AHNAK: variants seen among roughly 807,000 people sequenced by gnomAD.
AHNAK encodes neuroblast differentiation-associated protein AHNAK.
Under a neutral mutation model 37.8 loss-of-function variants are expected in AHNAK, and 23 were observed. The ratio of observed to expected loss-of-function variants is 0.61; its 90% CI spans 0.44 to 0.86. The LOEUF is 0.86. Ranked by LOEUF, AHNAK falls within the 40% of genes least tolerant of loss-of-function variation. The pLI is 0.00. For missense variants in AHNAK, 7,411 were observed against 7,319.4 expected (o/e 1.01, Z -0.46); for synonymous variants, 2,481 against 2,636.3 (o/e 0.94, Z 1.80).
chr11:62,440,849 C>T lies in AHNAK; in HGVS notation c.443-6958G>A, dbSNP rs140506711. Among the ~76,000 whole-genome samples the T allele has an allele frequency of 7.7e-4, 117 of 152,274 alleles. 2 individuals carry two copies. Among genetic ancestry groups the T allele is most frequent in the African/African-American group, 2.7e-3 (113 of 41,550 alleles). On this transcript the variant is annotated intron_variant, in intron 5 of 5. Coordinates refer to the AHNAK transcript ENST00000257247. ...TGCTAAGTGCTTACTATGTGCCAGA[C>T]ACTATTTCTAAACACTTTATAAATA...
intron 5 of AHNAK, among the ~76,000 whole-genome samples, chr11:62,455,388 T>C (rs1005923302): frequency 8.6e-5 from 13 of 152,020 alleles, no homozygotes; most frequent in African/African-American, 3.1e-4. Flanking sequence ...TTGCCTTTCA[T>C]TTTATTCCTC....
Position 62,527,179 on chromosome 11 carries a change from C to T in AHNAK, c.7238G>A (p.Gly2413Glu). The T allele has an allele frequency of 1.9e-6, 3 of 1,610,896 alleles. No homozygotes were observed. The highest frequency in any genetic ancestry group is 2.5e-6 in the Non-Finnish European group (3 of 1,178,712). ...ATCCACATGTGGCCCTTTAAGGTCC[C>T]CTTCCAATTTGGGAACATCTACATC... ...EVDVDVPKLE[G>E]DLKGPHVDVS... Residue 2413 changes from glycine (G) to glutamate (E), a missense_variant, in exon 5 of 5, where the codon GGG (glycine) becomes GAG (glutamate). Physicochemically the swap from Gly to Glu is moderately conservative, Grantham distance 98 (BLOSUM62 -2). Coordinates refer to ENST00000378024, the MANE Select transcript of AHNAK (RefSeq NM_001620.3).
rs1259327297 is a variant in AHNAK, at chr11:62,520,300, C to T, written c.14117G>A (p.Gly4706Asp). The change falls in exon 5 of 5, where the codon GGC (glycine) becomes GAC (aspartate). Residue 4706 changes from glycine (G) to aspartate (D), a missense_variant. By Grantham distance (94) the Gly-to-Asp change is moderately conservative. Transcript: ENST00000378024. Reference sequence around the variant, plus strand: ...CATCTCAGGCATCTTGAACTTGGGGCCCTTTAGTTTCGCATCTGGACCTTC... The same window carrying T: ...CATCTCAGGCATCTTGAACTTGGGGTCCTTTAGTTTCGCATCTGGACCTTC... ...NIEGPDAKLK[G>D]PKFKMPEMSI... is the part of the protein sequence containing the mutation. The T allele has an allele frequency of 6.2e-7, 1 of 1,613,100 alleles. No homozygotes were observed. The highest frequency in any genetic ancestry group is 1.3e-5 in the African/African-American group (1 of 74,550).
At position 62,506,714 on chromosome 11, in the gene AHNAK, T is replaced by C. The variant is rs114590905; in HGVS notation, c.343-14883A>G. ...GTCTGGGACCAGTGGGTGGGGCTCG[T>C]TACAATTCAGATGATTTGATCATAG... is the stretch of plus-strand genomic sequence containing the variant. On this transcript the variant is annotated intron_variant, in intron 4 of 5. Coordinates refer to the AHNAK transcript ENST00000257247. Among the ~76,000 whole-genome samples, 919 of 152,256 alleles carry C rather than the reference T, an allele frequency of 6.0e-3. 9 individuals carry two copies. The highest frequency in any genetic ancestry group is 0.021 in the African/African-American group (871 of 41,542).
At chr11:62,543,809 A>G (rs1346309732) in intron 1 of AHNAK, among the ~76,000 whole-genome samples, 2 of 152,180 alleles carry the variant, frequency 1.3e-5, no homozygotes, top group Non-Finnish European at 2.9e-5. Flanking sequence ...CAAGCAGCAC[A>G]TTCTAAATCC....
intron 5 of AHNAK, among the ~76,000 whole-genome samples, chr11:62,451,538 G>A (rs1350894109): frequency 6.6e-6 from 1 of 152,008 alleles, no homozygotes; most frequent in Non-Finnish European, 1.5e-5. Flanking sequence ...AGGAGTTCAA[G>A]ACCAGCCTGG....
At chr11:62,435,762 G>A (rs1056471224) in intron 5 of AHNAK, among the ~76,000 whole-genome samples, 3 of 152,028 alleles carry the variant, frequency 2.0e-5, no homozygotes, top group African/African-American at 7.2e-5. Flanking sequence ...TGCTCAGGCT[G>A]GCCTTGAACT....
chr11:62,459,100 T>C (rs1938729849), intron 5 of AHNAK, among the ~76,000 whole-genome samples: 2 of 152,110 alleles, frequency 1.3e-5, no homozygotes, highest in South Asian at 4.2e-4. Flanking sequence ...CTCTCCAAAC[T>C]CCCCACACAA....
Position 62,460,987 on chromosome 11 carries a change from A to ATTT in AHNAK, c.443-27099_443-27097dup, listed in dbSNP as rs58443970. ...AGGCGCCTGCCACCAGGCCTGGCTAATTTTTTTTTTTTTTTTTTTTTTGTA... is the reference window on the plus strand; with the variant it reads ...AGGCGCCTGCCACCAGGCCTGGCTAATTTTTTTTTTTTTTTTTTTTTTTTTGTA... On this transcript the variant is annotated intron_variant, in intron 5 of 5. Coordinates refer to the AHNAK transcript ENST00000257247. Among the ~76,000 whole-genome samples the ATTT allele has an allele frequency of 5.1e-3, 526 of 103,602 alleles. 10 individuals are homozygous for ATTT. The highest frequency in any genetic ancestry group is 0.013 in the African/African-American group (333 of 26,092). 68.0% of individuals were successfully genotyped at this position (103,602 alleles called of 152,430 possible). A position where few individuals can be genotyped will look rare whatever the true frequency, so the allele number is the denominator to read the frequency against.
At chr11:62,453,393 G>C (rs1189161353) in intron 5 of AHNAK, among the ~76,000 whole-genome samples, 1 of 152,142 alleles carries the variant, frequency 6.6e-6, no homozygotes, top group African/African-American at 2.4e-5. Flanking sequence ...GAAGTCAAAT[G>C]AGTGGTAACA....
In AHNAK at chr11:62,506,246, TA is replaced by T. The variant is rs151312445; in HGVS notation, c.343-14416del. Among the ~76,000 whole-genome samples the T allele has an allele frequency of 5.6e-3, 817 of 146,014 alleles. 4 individuals are homozygous for T. The highest frequency in any genetic ancestry group is 8.4e-3 in the African/African-American group (336 of 39,888). ...TAATAATAAGTAAATAAATAAATAT[TA>T]AAAAAAAAAGAGCCAGTGGTCTGAG... is the stretch of plus-strand genomic sequence containing the variant. On this transcript the variant is annotated intron_variant, in intron 4 of 5. Coordinates refer to the AHNAK transcript ENST00000257247.
In AHNAK at chr11:62,528,457, G is replaced by T. The variant is rs1254766082; in HGVS notation, c.5960C>A (p.Pro1987His). 1.2e-6 allele frequency: 2 copies of T among 1,613,486 alleles called. No homozygotes were observed. The highest frequency in any genetic ancestry group is 4.5e-5 in the East Asian group (2 of 44,824). ...GTCCACATCAGGCATGGAGATCTTG[G>T]GGGTCTTGAAGTGCATCTCAGGCAT... The part of the protein sequence containing the change: ...FKMPEMHFKT[P>H]KISMPDVDLH... Residue 1987 changes from proline (P) to histidine (H), a missense_variant, in exon 5 of 5, where the codon CCC becomes CAC. Physicochemically the swap from Pro to His is moderately conservative, Grantham distance 77. Transcript: ENST00000378024.
At chr11:62,480,957 A>G (rs901560717) in intron 5 of AHNAK, among the ~76,000 whole-genome samples, 16 of 152,164 alleles carry the variant, frequency 1.1e-4, no homozygotes, top group African/African-American at 3.9e-4. Context: ...CCTTCCCCCA[A>G]AAGCCCAGAG....
At chr11:62,442,322 C>T (rs1938323284) in intron 5 of AHNAK, among the ~76,000 whole-genome samples, 2 of 152,090 alleles carry the variant, frequency 1.3e-5, no homozygotes, top group Admixed American at 6.5e-5. Flanking sequence ...CTGAAGCGGG[C>T]AGATTGCTTG....
intron 4 of AHNAK, among the ~76,000 whole-genome samples, chr11:62,493,826 T>C (rs1029520838): frequency 2.0e-5 from 3 of 152,042 alleles, no homozygotes; most frequent in Non-Finnish European, 4.4e-5. Context: ...ATCTTCCCTG[T>C]TCCGAGCTTT....
chr11:62,543,239 G>A (rs1439730733), intron 1 of AHNAK, among the ~76,000 whole-genome samples: 1 of 152,172 alleles, frequency 6.6e-6, no homozygotes, highest in Admixed American at 6.5e-5. Context: ...GTCCAGGACC[G>A]AGAAACTCAC....
In AHNAK at chr11:62,485,023, A is replaced by G. The variant is rs573492038; in HGVS notation, c.442+6709T>C. Among the ~76,000 whole-genome samples, 5 of 152,234 alleles carry G rather than the reference A, an allele frequency of 3.3e-5. No individual in the cohort carries two copies. The South Asian group carries it at 8.3e-4, about 25-fold the overall frequency. ...AGGCTGGTCTCGAACTCCTGACCTC[A>G]GGTGATCTGCCTGCCTCGGCCTCCC... On this transcript the variant is annotated intron_variant, in intron 5 of 5. Transcript: ENST00000257247.
Position 62,439,664 on chromosome 11 carries a change from G to GTTTTTTTTTTT in AHNAK, c.443-5774_443-5773insAAAAAAAAAAA, listed in dbSNP as rs1565194563. On this transcript the variant is annotated intron_variant, in intron 5 of 5. Coordinates refer to the AHNAK transcript ENST00000257247. ...TTTGGTTTGTTTTGGATTTTTGTGT[G>GTTTTTTTTTTT]ATTTTTTTTTTTTTTTTTTTTGAGA... Among the ~76,000 whole-genome samples the GTTTTTTTTTTT allele has an allele frequency of 1.1e-4, 14 of 126,418 alleles. 1 individual carries two copies. The highest frequency in any genetic ancestry group is 1.8e-4 in the Non-Finnish European group (11 of 60,314). 82.9% of individuals were successfully genotyped at this position (126,418 alleles called of 152,430 possible).
rs773733385 is a variant in AHNAK, at chr11:62,517,518, A to G, written c.16899T>C (p.Ile5633=). ...KVEGGVKGGQ[I]GLQAPGLSVS... ...CACTCAGCCCAGGAGCCTGGAGTCC[A>G]ATCTGACCTCCTTTCACACCTCCTT... is the stretch of plus-strand genomic sequence containing the variant. Residue 5633 remains isoleucine (I), a synonymous_variant, in exon 5 of 5, where the codon ATT becomes ATC. Coordinates refer to ENST00000378024, the MANE Select transcript of AHNAK (RefSeq NM_001620.3). 6.2e-7 allele frequency: 1 copy of G among 1,614,074 alleles called. No homozygotes were observed. The highest frequency in any genetic ancestry group is 8.5e-7 in the Non-Finnish European group (1 of 1,180,046).
Sources: gnomAD v4.1 joint callset for allele counts (sites outside exome capture counted in the v4.1 genomes callset) on GRCh38, gnomAD v4.1.1 for gene constraint, MANE v1.5 for transcripts, NCBI Gene and HGNC (gene_info 2026-07-23, HGNC 2026-07-21) for gene names.